Variants in FLOT2 observed in about 807,000 individuals in gnomAD.
FLOT2 encodes flotillin 2.
A neutral mutation model predicts 54.9 loss-of-function variants in FLOT2; 35 were observed. The observed-to-expected ratio is 0.64, with a 90% CI of 0.49 to 0.84. FLOT2 has a LOEUF of 0.84. FLOT2 is among the 40% of genes least tolerant of loss of function. The pLI is 0.00. For synonymous variants in FLOT2, 207 were observed against 228.9 expected (o/e 0.90, Z 0.86); for missense variants, 464 against 572.1 (o/e 0.81, Z 1.93).
At chr17:28,886,491 G>C (rs555696472) in intron 2 of FLOT2, among the ~76,000 whole-genome samples, 1 of 152,312 alleles carries the variant, frequency 6.6e-6, no homozygotes, top group South Asian at 2.1e-4. Flanking sequence ...TTCTGATGTG[G>C]GGCCAAGGAA....
rs1038031825 is a variant in FLOT2, at chr17:28,884,164, G to C, written c.222+61C>G. The C allele has an allele frequency of 3.9e-6, 5 of 1,284,208 alleles. No individual in the cohort carries two copies. The African/African-American group carries it at 4.4e-5, about 11-fold the overall frequency. 79.6% of individuals were successfully genotyped at this position (1,284,208 alleles called of 1,614,324 possible). ...GCTGCTGTCCTCTCCTCCTCCCCCC[G>C]AACCCGAGTACGGGACCAGGCAGCT... On this transcript the variant is annotated intron_variant, in intron 3 of 10. Transcript: ENST00000394908. This position sits in a 1 kb window ranked among gnomAD's most constrained non-coding sequence, Gnocchi z 5.1.
chr17:28,891,282 T>A (rs902315460), intron 1 of FLOT2, among the ~76,000 whole-genome samples: 2 of 152,196 alleles, frequency 1.3e-5, no homozygotes, highest in Non-Finnish European at 2.9e-5. Flanking sequence ...TGGGGGAGTT[T>A]CATGCAGCTG....
At chr17:28,881,477 G>T in intron 8 of FLOT2, 102 bp from the exon 9 acceptor site, 1 of 1,232,934 alleles carries the variant, frequency 8.1e-7, no homozygotes, top group Non-Finnish European at 1.2e-6. Context: ...TCTGGGGGCT[G>T]TCGGGGTGGG....
chr17:28,896,525 A>G (rs1377891673), intron 1 of FLOT2, among the ~76,000 whole-genome samples: 1 of 152,138 alleles, frequency 6.6e-6, no homozygotes, highest in African/African-American at 2.4e-5. Context: ...GGAGAGATTG[A>G]TTTTGAGATC....
chr17:28,891,514 C>T (rs1158770332), intron 1 of FLOT2, among the ~76,000 whole-genome samples: 1 of 152,222 alleles, frequency 6.6e-6, no homozygotes, highest in African/African-American at 2.4e-5. Context: ...GTGGCTGATA[C>T]TGGCAGACAA....
chr17:28,896,368 G>T lies in FLOT2; in HGVS notation c.49+1158C>A, dbSNP rs2039740925. On this transcript the variant is annotated intron_variant, in intron 1 of 10. Coordinates refer to ENST00000394908, the MANE Select transcript of FLOT2 (RefSeq NM_004475.3). The stretch of plus-strand genomic sequence containing the variant: ...CTGGTCTCTAAAAGCCTTCTCTAAG[G>T]GTGGGGACTGGGAGACAGGTTTAGG... 2.6e-5 allele frequency among the ~76,000 whole-genome samples: 4 copies of T among 152,192 alleles called. No individual in the cohort carries two copies. The South Asian group carries it at 8.3e-4, about 31-fold the overall frequency.
chr17:28,889,096 G>T, intron 1 of FLOT2, 70 bp from the exon 2 acceptor site: 1 of 1,336,778 alleles, frequency 7.5e-7, no homozygotes, highest in Non-Finnish European at 1.1e-6. Flanking sequence ...CCCACTGATA[G>T]CAACTTTTGT....
chr17:28,887,097 G>A (rs1162810524), intron 2 of FLOT2, among the ~76,000 whole-genome samples: 1 of 152,116 alleles, frequency 6.6e-6, no homozygotes, highest in Admixed American at 6.5e-5. Flanking sequence ...AATTGCTCAG[G>A]TAAGAGGGAG....
Position 28,882,266 on chromosome 17 carries a change from G to A in FLOT2, c.580-29C>T. On this transcript the variant is annotated intron_variant, in intron 6 of 10. Transcript: ENST00000394908. This position sits in a 1 kb window ranked among gnomAD's most constrained non-coding sequence, Gnocchi z 5.6. ...GGGACAAAAGGGGCAGAAGGGGAAG[G>A]TGAGTGAGTAGAGGTCCTGAGTCAT... is the stretch of plus-strand genomic sequence containing the variant. 6.2e-7 allele frequency: 1 copy of A among 1,614,106 alleles called. No homozygotes were observed. Among genetic ancestry groups the A allele is most frequent in the Non-Finnish European group, 8.5e-7 (1 of 1,180,008 alleles).
Position 28,879,389 on chromosome 17 carries a change from T to C in FLOT2, c.*1172A>G. On this transcript the variant is annotated 3_prime_UTR_variant, in exon 11 of 11. Transcript: ENST00000394908. ...CCAGAAGGGACAGGCAGTGGGGCAG[T>C]GCAACATCCAAGCCCCAGACCAGAC... is the stretch of plus-strand genomic sequence containing the variant. The C allele has an allele frequency of 1.0e-6, 1 of 988,128 alleles. No individual in the cohort carries two copies. The highest frequency in any genetic ancestry group is 1.2e-6 in the Non-Finnish European group (1 of 830,226). The allele number at this position is 988,128 out of a possible 1,614,324, so 61.2% of individuals were successfully genotyped here. A position where few individuals can be genotyped will look rare whatever the true frequency, so the allele number is the denominator to read the frequency against.
chr17:28,879,969 T>C lies in FLOT2; in HGVS notation c.*592A>G, dbSNP rs1040890919. On this transcript the variant is annotated 3_prime_UTR_variant, in exon 11 of 11. Coordinates refer to ENST00000394908, the MANE Select transcript of FLOT2 (RefSeq NM_004475.3). ...AGGGTATGAGCGCTGGCTGGGGCCT[T>C]GGGTGGATGAGGGGAAGGACAGTGT... 1 of 987,200 alleles carries C rather than the reference T, an allele frequency of 1.0e-6. No homozygotes were observed. The highest frequency in any genetic ancestry group is 1.2e-6 in the Non-Finnish European group (1 of 831,244). 61.2% of individuals were successfully genotyped at this position (987,200 alleles called of 1,614,324 possible).
At chr17:28,888,896 C>T (rs751851687) in intron 2 of FLOT2, 49 bp downstream of exon 2, 3 of 1,469,752 alleles carry the variant, frequency 2.0e-6, no homozygotes, top group South Asian at 2.3e-5. Flanking sequence ...GGAAGCCCCT[C>T]TCTCCCTGGC....
intron 1 of FLOT2, among the ~76,000 whole-genome samples, chr17:28,889,469 A>G (rs1195760825): frequency 6.6e-6 from 1 of 151,366 alleles, no homozygotes; most frequent in Non-Finnish European, 1.5e-5. Context: ...TGCTGGGATC[A>G]CAGGTGCCCG....
chr17:28,896,785 T>TGAGA, intron 1 of FLOT2, among the ~76,000 whole-genome samples: 1 of 152,282 alleles, frequency 6.6e-6, no homozygotes, highest in African/African-American at 2.4e-5. Flanking sequence ...CCCCAGCTCC[T>TGAGA]GAGAGCAAGG....
rs1334102032 is a variant in FLOT2 at position 28,881,282 on chromosome 17, T to C, written c.1008A>G (p.Ala336=). ...CCTTGAGCTTCATCCGCTCAGCCTC[T>C]GCCTTGCCCATCGCCTCGATGACTG... ...EAAVIEAMGK[A]EAERMKLKAE... is the part of the protein sequence containing the mutation. Residue 336 remains alanine (A), a synonymous_variant, in exon 9 of 11, where the codon GCA becomes GCG. Coordinates refer to ENST00000394908, the MANE Select transcript of FLOT2 (RefSeq NM_004475.3). The C allele has an allele frequency of 1.2e-6, 2 of 1,614,048 alleles. No individual in the cohort carries two copies. The highest frequency in any genetic ancestry group is 1.7e-6 in the Non-Finnish European group (2 of 1,180,012).
chr17:28,883,250 G>A lies in FLOT2; in HGVS notation c.223-19C>T. The A allele has an allele frequency of 6.2e-7, 1 of 1,613,938 alleles. No individual in the cohort carries two copies. The highest frequency in any genetic ancestry group is 8.5e-7 in the Non-Finnish European group (1 of 1,179,980). On this transcript the variant is annotated intron_variant, in intron 3 of 10. Coordinates refer to ENST00000394908, the MANE Select transcript of FLOT2 (RefSeq NM_004475.3). The surrounding 1 kb of genome is among the most constrained non-coding windows in gnomAD (Gnocchi z 5.0). ...TCTTCACCTGTCAGTGACGACAAAGGCGCTTCAGCTAGGCTGGAGCGAGGC... is the reference window on the plus strand; with the variant it reads ...TCTTCACCTGTCAGTGACGACAAAGACGCTTCAGCTAGGCTGGAGCGAGGC...
chr17:28,887,035 G>C (rs376530519), intron 2 of FLOT2, among the ~76,000 whole-genome samples: 1 of 152,140 alleles, frequency 6.6e-6, no homozygotes, highest in African/African-American at 2.4e-5. Flanking sequence ...AGGGAGGAAG[G>C]GTAGTGGGGA....
rs1282225961 is a variant in FLOT2, at chr17:28,884,264, C to T, written c.183G>A (p.Thr61=). 25 of 1,613,422 alleles carry T rather than the reference C, an allele frequency of 1.5e-5. 1 individual carries two copies. The highest frequency in any genetic ancestry group is 3.3e-5 in the Admixed American group (2 of 59,898). The change falls in exon 3 of 11, where the codon ACG becomes ACA. Residue 61 remains threonine, a synonymous_variant. Coordinates refer to ENST00000394908, the MANE Select transcript of FLOT2 (RefSeq NM_004475.3). The surrounding 1 kb of genome is among the most constrained non-coding windows in gnomAD (Gnocchi z 5.1). ...TLQPRCEDVE[T]AEGVALTVTG... Reference sequence around the variant, plus strand: ...TCACAGTTAAAGCTACCCCCTCGGCCGTCTCTACGTCCTCGCAGCGGGGCT... The same window carrying T: ...TCACAGTTAAAGCTACCCCCTCGGCTGTCTCTACGTCCTCGCAGCGGGGCT...
intron 2 of FLOT2, chr17:28,886,128 C>A: frequency 1.6e-6 from 1 of 643,438 alleles, no homozygotes; most frequent in South Asian, 1.7e-5. Context: ...AGGACAGCAG[C>A]GACCTCCTGT....
Sources: allele counts gnomAD v4.1 joint callset (sites outside exome capture counted in the v4.1 genomes callset), GRCh38; gene constraint gnomAD v4.1.1; non-coding constraint Gnocchi (gnomAD v3.1); transcripts MANE v1.5; gene names NCBI Gene and HGNC (gene_info 2026-07-23, HGNC 2026-07-21).